The following CRISPLD1 variants were observed in gnomAD, a reference collection of about 807,000 sequenced individuals.
CRISPLD1 encodes the protein cysteine rich secretory protein LCCL domain containing 1.
A neutral mutation model predicts 77.5 loss-of-function variants in CRISPLD1; 60 were observed. That is an observed-to-expected ratio of 0.77 (90% CI 0.63 to 0.96). CRISPLD1 has a LOEUF of 0.96. Ranked by LOEUF, CRISPLD1 falls within the 40% of genes least tolerant of loss-of-function variation. The probability of loss-of-function intolerance (pLI) is 0.00; values close to 1 mark genes in which losing one functional copy is unlikely to be tolerated. For missense variants in CRISPLD1, 623 were observed against 615.8 expected, an observed-to-expected ratio of 1.01 and a Z score of -0.12; for synonymous variants, 195 against 200.1, an observed-to-expected ratio of 0.97 and a Z score of 0.22.
At position 75,017,340 on chromosome 8, in the gene CRISPLD1, T is replaced by C; in HGVS notation, c.1017T>C (p.Ala339=). 1 of 1,608,798 alleles carries C rather than the reference T, an allele frequency of 6.2e-7. No individual in the cohort carries two copies. The highest frequency in any genetic ancestry group is 8.5e-7 in the Non-Finnish European group (1 of 1,178,498). The change falls in exon 10 of 15, where the codon GCT becomes GCC. Residue 339 remains alanine (A), a synonymous_variant. Transcript: ENST00000262207. ...HYEMQSSICR[A]AIHYGIIDND... ...CCAAGCAATCCAGCATCTGTAGAGCTGCAATTCATTATGGTATAATAGACA... is the reference window on the plus strand; with the variant it reads ...CCAAGCAATCCAGCATCTGTAGAGCCGCAATTCATTATGGTATAATAGACA...
At chr8:75,003,677 G>C (rs1812782541) in intron 2 of CRISPLD1, among the ~76,000 whole-genome samples, 1 of 152,144 alleles carries the variant, frequency 6.6e-6, no homozygotes, top group Non-Finnish European at 1.5e-5. Flanking sequence ...AATATGTATA[G>C]ATCAAGACTT....
intron 3 of CRISPLD1, 116 bp downstream of exon 3, chr8:75,012,667 A>G: frequency 1.2e-6 from 1 of 847,614 alleles, no homozygotes; most frequent in South Asian, 1.7e-5. Context: ...AGTAATCACG[A>G]AACAAGTAAC....
intron 13 of CRISPLD1, among the ~76,000 whole-genome samples, chr8:75,028,672 G>A (rs1020317383): frequency 5.9e-5 from 9 of 152,126 alleles, no homozygotes; most frequent in African/African-American, 1.4e-4. Flanking sequence ...CTTCTCCATA[G>A]AAATCCCATT....
intron 2 of CRISPLD1, among the ~76,000 whole-genome samples, chr8:74,992,421 G>C (rs1812585951): frequency 6.6e-6 from 1 of 152,158 alleles, no homozygotes; most frequent in South Asian, 2.1e-4. Flanking sequence ...ACAGATTGAT[G>C]AGTACTTACC....
chr8:74,998,694 A>AAAAC (rs1351066251), intron 2 of CRISPLD1, among the ~76,000 whole-genome samples: 1 of 146,318 alleles, frequency 6.8e-6, no homozygotes, highest in Non-Finnish European at 1.5e-5. Context: ...TCAAAAAAAA[A>AAAAC]AAAAAAAAAA....
Position 75,019,919 on chromosome 8 carries a change from C to T in CRISPLD1, c.1171+6C>T. On this transcript the variant is annotated splice_donor_region_variant and intron_variant, in intron 11 of 14. Coordinates refer to ENST00000262207, the MANE Select transcript of CRISPLD1 (RefSeq NM_031461.6). ...CACAGTCTCTAAAGTAACAGGTTAG[C>T]ACATTCTTCATCTTATTTTCTTAGT... The T allele has an allele frequency of 6.2e-7, 1 of 1,612,200 alleles. No homozygotes were observed. Among genetic ancestry groups the T allele is most frequent in the Non-Finnish European group, 8.5e-7 (1 of 1,178,222 alleles).
intron 14 of CRISPLD1, among the ~76,000 whole-genome samples, chr8:75,030,927 CAT>C (rs762735758): frequency 1.3e-5 from 2 of 151,602 alleles, no homozygotes; most frequent in African/African-American, 4.8e-5. Context: ...TACACATATA[CAT>C]ATATATATGT....
chr8:75,025,144 T>A (rs1813209739), intron 12 of CRISPLD1, among the ~76,000 whole-genome samples: 1 of 152,146 alleles, frequency 6.6e-6, no homozygotes, highest in Admixed American at 6.5e-5. Flanking sequence ...TTGGATGAGA[T>A]TCCAAAGATG....
In CRISPLD1 at chr8:75,017,438, T is replaced by C. The variant is rs1178789455; in HGVS notation, c.1115T>C (p.Ile372Thr). 1.2e-6 allele frequency: 2 copies of C among 1,603,042 alleles called. No homozygotes were observed. The highest frequency in any genetic ancestry group is 2.7e-5 in the African/African-American group (2 of 74,342). Reference protein sequence around the residue: ...HYFIKSNRNGIQTIGKYQSAN... With the variant: ...HYFIKSNRNGTQTIGKYQSAN... The stretch of plus-strand genomic sequence containing the variant: ...TTCATCAAGTCCAATAGAAATGGTA[T>C]TCAAACAATTGGGTAAGTACCAAAA... Residue 372 changes from isoleucine (I) to threonine (T), a missense_variant, in exon 10 of 15, where the codon ATT (isoleucine) becomes ACT (threonine). Physicochemically the swap from Ile to Thr is moderately conservative, Grantham distance 89 (BLOSUM62 -1). Coordinates refer to ENST00000262207, the MANE Select transcript of CRISPLD1 (RefSeq NM_031461.6).
chr8:75,015,496 C>T (rs1047485981), intron 6 of CRISPLD1, among the ~76,000 whole-genome samples: 2 of 152,166 alleles, frequency 1.3e-5, no homozygotes, highest in Non-Finnish European at 2.9e-5. Flanking sequence ...GTTTATAGCA[C>T]ATAAAGATAA....
chr8:75,013,716 A>C (rs188282246), intron 4 of CRISPLD1, among the ~76,000 whole-genome samples: 111 of 152,292 alleles, frequency 7.3e-4, no homozygotes, highest in African/African-American at 2.6e-3. Context: ...GTTTGTGAGG[A>C]TGTAACTTTT....
At chr8:75,030,840 A>G (rs999202119) in intron 14 of CRISPLD1, among the ~76,000 whole-genome samples, 1 of 150,706 alleles carries the variant, frequency 6.6e-6, no homozygotes, top group African/African-American at 2.4e-5. Context: ...GTTTCTGTGT[A>G]TATATGTGAA....
At chr8:75,022,618 T>C (rs950615950) in intron 12 of CRISPLD1, among the ~76,000 whole-genome samples, 10 of 151,520 alleles carry the variant, frequency 6.6e-5, no homozygotes, top group African/African-American at 2.4e-4. Context: ...AAAAAAATTG[T>C]AATAGTTTCA....
At chr8:75,009,122 C>G (rs1473406097) in intron 2 of CRISPLD1, among the ~76,000 whole-genome samples, 1 of 152,046 alleles carries the variant, frequency 6.6e-6, no homozygotes, top group Non-Finnish European at 1.5e-5. Context: ...AAGAGCTCAG[C>G]TGGATAGTCC....
At position 75,016,639 on chromosome 8, in the gene CRISPLD1, G is replaced by T; in HGVS notation, c.802G>T (p.Asp268Tyr). 1 of 1,613,520 alleles carries T rather than the reference G, an allele frequency of 6.2e-7. No individual in the cohort carries two copies. Among genetic ancestry groups the T allele is most frequent in the South Asian group, 1.1e-5 (1 of 91,022 alleles). Residue 268 changes from aspartate (D) to tyrosine (Y), a missense_variant, in exon 7 of 15, where the codon GAC (aspartate) becomes TAC (tyrosine). Physicochemically the swap from Asp to Tyr is radical, Grantham distance 160. Coordinates refer to ENST00000262207, the MANE Select transcript of CRISPLD1 (RefSeq NM_031461.6). ...AGAACGACAGCAGTCACAAGTCCAT[G>T]ACACCCATGTCCGGACAAGATCAGA... ...EIERQQSQVH[D>Y]THVRTRSDDS...
chr8:75,029,654 A>G, intron 14 of CRISPLD1, 137 bp downstream of exon 14: 1 of 784,392 alleles, frequency 1.3e-6, no homozygotes, highest in Admixed American at 2.8e-5. Context: ...TCCTTTGCAC[A>G]CTTGTGTACC....
chr8:74,997,540 G>C (rs1021830257), intron 2 of CRISPLD1, among the ~76,000 whole-genome samples: 1 of 152,092 alleles, frequency 6.6e-6, no homozygotes, highest in Non-Finnish European at 1.5e-5. Flanking sequence ...TAAAAAATAT[G>C]GAAATAATGT....
chr8:75,012,537 A>G lies in CRISPLD1; in HGVS notation c.363A>G (p.Gly121=). ...TTCCATCAATTGGACAGAATTTGGG[A>G]GCACACTGGGGAAGGTATCTTAAAG... The part of the protein sequence containing the change: ...SLLPSIGQNL[G]AHWGRYRPPT... Residue 121 remains glycine, a synonymous_variant, in exon 3 of 15, where the codon GGA becomes GGG. Coordinates refer to ENST00000262207, the MANE Select transcript of CRISPLD1 (RefSeq NM_031461.6). 1.9e-6 allele frequency: 3 copies of G among 1,604,736 alleles called. No homozygotes were observed. The South Asian group carries it at 3.3e-5, about 18-fold the overall frequency.
intron 12 of CRISPLD1, among the ~76,000 whole-genome samples, chr8:75,023,422 T>G (rs1813174842): frequency 6.6e-6 from 1 of 152,210 alleles, no homozygotes; most frequent in Non-Finnish European, 1.5e-5. Flanking sequence ...AACAGCATCT[T>G]TTATAACAAT....
Sources: allele counts gnomAD v4.1 joint callset (sites outside exome capture counted in the v4.1 genomes callset), GRCh38; gene constraint gnomAD v4.1.1; transcripts MANE v1.5; gene names NCBI Gene and HGNC (gene_info 2026-07-23, HGNC 2026-07-21).